EVA1C: variants seen among roughly 807,000 people sequenced by gnomAD.
EVA1C encodes protein eva-1 homolog C.
EVA1C carries 25 observed loss-of-function variants against 45.4 expected under a neutral mutation model. The ratio of observed to expected loss-of-function variants is 0.55; its 90% CI spans 0.40 to 0.77. The LOEUF is 0.77. Ranked by LOEUF, EVA1C falls within the 30% of genes least tolerant of loss-of-function variation. EVA1C has a pLI of 0.00. For synonymous variants in EVA1C, 190 were observed against 221.2 expected, an observed-to-expected ratio of 0.86 and a Z score of 1.25; for missense variants, 479 against 554.8, an observed-to-expected ratio of 0.86 and a Z score of 1.37.
chr21:32,440,517 T>C (rs2035135164), intron 1 of EVA1C, among the ~76,000 whole-genome samples: 1 of 152,212 alleles, frequency 6.6e-6, no homozygotes, highest in East Asian at 1.9e-4. Context: ...CCAGTCCTGT[T>C]TGAAATAAAA....
At chr21:32,442,704 C>T (rs1474294823) in intron 1 of EVA1C, among the ~76,000 whole-genome samples, 3 of 146,582 alleles carry the variant, frequency 2.0e-5, no homozygotes, top group South Asian at 2.2e-4. Context: ...AAGGCAAGGA[C>T]GTAGCAAATT....
At chr21:32,456,899 G>GA (rs1300368361) in intron 2 of EVA1C, among the ~76,000 whole-genome samples, 3 of 146,546 alleles carry the variant, frequency 2.0e-5, no homozygotes, top group Non-Finnish European at 3.0e-5. Context: ...GAGCTGTCTG[G>GA]AAAAAATCAG....
chr21:32,470,271 C>CA, intron 4 of EVA1C, among the ~76,000 whole-genome samples: 1 of 152,072 alleles, frequency 6.6e-6, no homozygotes, highest in East Asian at 1.9e-4. Flanking sequence ...CAAGAGAAAA[C>CA]AAAAAAAGCC....
At chr21:32,480,045 C>T (rs1311158350) in intron 4 of EVA1C, among the ~76,000 whole-genome samples, 1 of 152,140 alleles carries the variant, frequency 6.6e-6, no homozygotes, top group Non-Finnish European at 1.5e-5. Flanking sequence ...AAGCAACCTA[C>T]TTCCAATAAT....
At chr21:32,483,407 G>T (rs1270996692) in intron 4 of EVA1C, among the ~76,000 whole-genome samples, 1 of 152,122 alleles carries the variant, frequency 6.6e-6, no homozygotes, top group Admixed American at 6.6e-5. Flanking sequence ...TTCTCTTAAA[G>T]CTCAATAGAC....
rs1446735662 is a variant in EVA1C at position 32,412,852 on chromosome 21, C to T, written c.-2C>T. On this transcript the variant is annotated 5_prime_UTR_variant, in exon 1 of 8. The change creates a new upstream start codon in the 5' untranslated region. Transcript: ENST00000300255. ...CGCCTCCGCCCCGCCGCGCAGCGCA[C>T]GATGCTTCTGCCGGGACGCGCACGC... 3 of 1,477,440 alleles carry T rather than the reference C, an allele frequency of 2.0e-6. No individual in the cohort carries two copies. Among genetic ancestry groups the T allele is most frequent in the Admixed American group, 2.4e-5 (1 of 42,446 alleles). 91.5% of individuals were successfully genotyped at this position (1,477,440 alleles called of 1,614,324 possible). A position where few individuals can be genotyped will look rare whatever the true frequency, so the allele number is the denominator to read the frequency against.
intron 2 of EVA1C, among the ~76,000 whole-genome samples, chr21:32,454,648 A>G (rs539074572): frequency 1.3e-5 from 2 of 152,060 alleles, no homozygotes; most frequent in East Asian, 3.9e-4. Flanking sequence ...CATTTAAAGC[A>G]GGGAGTTTAG....
chr21:32,499,592 G>A (rs1292575509), intron 5 of EVA1C, among the ~76,000 whole-genome samples: 2 of 152,236 alleles, frequency 1.3e-5, no homozygotes, highest in Non-Finnish European at 2.9e-5. Context: ...AGCCCTCTGA[G>A]AGAGGAAACA....
chr21:32,498,221 C>T (rs1484307077), intron 5 of EVA1C, among the ~76,000 whole-genome samples: 26 of 152,012 alleles, frequency 1.7e-4, no homozygotes, highest in African/African-American at 3.1e-4. Flanking sequence ...CCGAGGCGGG[C>T]GCATCATCTG....
rs1274753533 is a variant in EVA1C at position 32,457,729 on chromosome 21, C to A, written c.481+9C>A. 1 of 1,614,110 alleles carries A rather than the reference C, an allele frequency of 6.2e-7. No homozygotes were observed. Among genetic ancestry groups the A allele is most frequent in the East Asian group, 2.2e-5 (1 of 44,874 alleles). The stretch of plus-strand genomic sequence containing the variant: ...CTTTAAATGCCAACCTAGTAAGTAA[C>A]TTCGGAGGGGGACAGTGTGTTTGGG... On this transcript the variant is annotated intron_variant, in intron 3 of 7. Coordinates refer to ENST00000300255, the MANE Select transcript of EVA1C (RefSeq NM_058187.5).
Position 32,446,987 on chromosome 21 carries a change from C to T in EVA1C, c.161-6325C>T, listed in dbSNP as rs78435157. ...AACTCTGGTCCCTTGCGCCCCTCCCCTCTTCTGTGCTCATTTCCTTTCTTA... is the reference window on the plus strand; with the variant it reads ...AACTCTGGTCCCTTGCGCCCCTCCCTTCTTCTGTGCTCATTTCCTTTCTTA... On this transcript the variant is annotated intron_variant, in intron 1 of 7. Transcript: ENST00000300255. Among the ~76,000 whole-genome samples, 972 of 152,340 alleles carry T rather than the reference C, an allele frequency of 6.4e-3. 11 individuals are homozygous for T. The highest frequency in any genetic ancestry group is 0.029 in the Admixed American group (445 of 15,308).
intron 4 of EVA1C, among the ~76,000 whole-genome samples, chr21:32,475,765 C>T (rs886069122): frequency 5.3e-5 from 8 of 152,080 alleles, no homozygotes; most frequent in Admixed American, 2.6e-4. Context: ...TGTAGCTTTC[C>T]CTTTCTTCCG....
At chr21:32,417,981 C>T (rs2034116694) in intron 1 of EVA1C, among the ~76,000 whole-genome samples, 2 of 152,064 alleles carry the variant, frequency 1.3e-5, no homozygotes, top group African/African-American at 4.8e-5. Flanking sequence ...GACCTTCTGC[C>T]CATGCATCAG....
At chr21:32,453,811 G>T (rs561859920) in intron 2 of EVA1C, among the ~76,000 whole-genome samples, 9 of 152,308 alleles carry the variant, frequency 5.9e-5, no homozygotes, top group Non-Finnish European at 1.2e-4. Flanking sequence ...AACCAGGATG[G>T]ATTCCAACCT....
chr21:32,500,383 T>C (rs2037490305), intron 5 of EVA1C, among the ~76,000 whole-genome samples: 2 of 152,010 alleles, frequency 1.3e-5, no homozygotes, highest in East Asian at 3.9e-4. Flanking sequence ...ACTCCTGACC[T>C]CAAGTGATCC....
intron 3 of EVA1C, among the ~76,000 whole-genome samples, chr21:32,466,326 A>G (rs190514064): frequency 0.092 from 14,022 of 151,718 alleles, 917 homozygotes; most frequent in East Asian, 0.25. Flanking sequence ...GGCTGAGGCA[A>G]GAGAATGGCA....
intron 4 of EVA1C, among the ~76,000 whole-genome samples, chr21:32,481,288 T>C (rs1042978137): frequency 2.0e-5 from 3 of 152,184 alleles, no homozygotes; most frequent in South Asian, 2.1e-4. Flanking sequence ...CCATTCTATG[T>C]TCTTTTGAAA....
intron 4 of EVA1C, among the ~76,000 whole-genome samples, chr21:32,475,577 T>C (rs367592935): frequency 2.0e-4 from 30 of 152,144 alleles, no homozygotes; most frequent in African/African-American, 7.2e-4. Flanking sequence ...TTTCCTTTGC[T>C]TTATATCATG....
chr21:32,468,450 C>G (rs112685192), intron 4 of EVA1C, among the ~76,000 whole-genome samples: 904 of 61,878 alleles, frequency 0.015, 12 homozygotes, highest in African/African-American at 0.057. Flanking sequence ...AGAATAGTAC[C>G]CAGCTCCCCT....
Sources: allele counts gnomAD v4.1 joint callset (sites outside exome capture counted in the v4.1 genomes callset), GRCh38; gene constraint gnomAD v4.1.1; transcripts MANE v1.5; gene names NCBI Gene and HGNC (gene_info 2026-07-23, HGNC 2026-07-21).